SLCO5A1: variants seen among roughly 807,000 people sequenced by gnomAD.
SLCO5A1 encodes the protein solute carrier organic anion transporter family member 5A1, also known as organic anion transporter polypeptide-related protein 4.
A neutral mutation model predicts 65.1 loss-of-function variants in SLCO5A1; 39 were observed. The ratio of observed to expected loss-of-function variants is 0.60; its 90% CI spans 0.46 to 0.78. SLCO5A1 has a LOEUF of 0.78. Ranked by LOEUF, SLCO5A1 falls within the 30% of genes least tolerant of loss-of-function variation. The pLI, the probability that SLCO5A1 is intolerant of heterozygous loss-of-function variation, is 0.00. For synonymous variants in SLCO5A1, 438 were observed against 415.7 expected (o/e 1.05, Z -0.65); for missense variants, 1,029 against 1,069.4 (o/e 0.96, Z 0.53).
At chr8:69,673,475 A>G (rs1486887939) in intron 9 of SLCO5A1, 149 bp from the exon 10 acceptor site, 3 of 642,482 alleles carry the variant, frequency 4.7e-6, no homozygotes, top group Non-Finnish European at 5.3e-6. Context: ...AAGACGCATC[A>G]TATTTTATCA....
intron 5 of SLCO5A1, chr8:69,713,707 A>G (rs6472480): frequency 0.11 from 16,609 of 152,254 alleles, 1,635 homozygotes; most frequent in African/African-American, 0.26. Flanking sequence ...ACTCAAAATC[A>G]TGGTGCATCT....
At chr8:69,769,225 C>T (rs1818209440) in intron 2 of SLCO5A1, among the ~76,000 whole-genome samples, 1 of 152,240 alleles carries the variant, frequency 6.6e-6, no homozygotes, top group Admixed American at 6.5e-5. Flanking sequence ...TAGGTGCTCA[C>T]ATCAAGTATT....
intron 4 of SLCO5A1, among the ~76,000 whole-genome samples, chr8:69,745,547 G>A (rs1816978307): frequency 6.6e-6 from 1 of 151,978 alleles, no homozygotes. Flanking sequence ...TTCTACCCAG[G>A]TATAAATTAT....
chr8:69,784,910 GAAAGA>G (rs1586797460), intron 2 of SLCO5A1, among the ~76,000 whole-genome samples: 4 of 92,340 alleles, frequency 4.3e-5, no homozygotes, highest in African/African-American at 9.4e-5. Flanking sequence ...AAGAAAGAAA[GAAAGA>G]AAGAAAGAAA....
intron 4 of SLCO5A1, among the ~76,000 whole-genome samples, chr8:69,740,535 G>T (rs1237016521): frequency 6.6e-6 from 1 of 152,134 alleles, no homozygotes; most frequent in Admixed American, 6.6e-5. Flanking sequence ...TTGTATGTGG[G>T]TATAAATATA....
chr8:69,813,313 C>T (rs1319979901), intron 2 of SLCO5A1, among the ~76,000 whole-genome samples: 1 of 152,248 alleles, frequency 6.6e-6, no homozygotes, highest in East Asian at 1.9e-4. Flanking sequence ...AGAATTCCCA[C>T]ATGCTAGAAT....
intron 2 of SLCO5A1, among the ~76,000 whole-genome samples, chr8:69,821,406 A>AAAGAAGAGGAAG (rs760373897): frequency 1.3e-5 from 2 of 151,734 alleles, no homozygotes; most frequent in African/African-American, 2.4e-5. Context: ...GGAAGAGGAT[A>AAAGAAGAGGAAG]AAGAAGAGGA....
rs2130932447 is a variant in SLCO5A1 at position 69,832,851 on chromosome 8, T to C, written c.-178A>G. ...CAGCTGCGAGGCGCCCAGTGCATCC[T>C]GATCACAGACACGGCTTCAAGGCTC... is the stretch of plus-strand genomic sequence containing the variant. On this transcript the variant is annotated 5_prime_UTR_variant, in exon 2 of 10. Transcript: ENST00000260126. This position sits in a 1 kb window ranked among gnomAD's most constrained non-coding sequence, Gnocchi z 4.5. 2.9e-6 allele frequency: 2 copies of C among 689,202 alleles called. No individual in the cohort carries two copies. The highest frequency in any genetic ancestry group is 3.1e-5 in the Admixed American group (1 of 32,092). 42.7% of individuals were successfully genotyped at this position (689,202 alleles called of 1,614,324 possible). A position where few individuals can be genotyped will look rare whatever the true frequency, so the allele number is the denominator to read the frequency against.
At chr8:69,717,144 A>G (rs1815586262) in intron 5 of SLCO5A1, among the ~76,000 whole-genome samples, 1 of 152,142 alleles carries the variant, frequency 6.6e-6, no homozygotes, top group South Asian at 2.1e-4. Flanking sequence ...ACTCCAACTC[A>G]TCTATTTTTT....
chr8:69,744,905 T>A (rs970273975), intron 4 of SLCO5A1, among the ~76,000 whole-genome samples: 3 of 152,200 alleles, frequency 2.0e-5, no homozygotes, highest in Non-Finnish European at 4.4e-5. Context: ...AAAGTATGGT[T>A]CTTTAATGCT....
At chr8:69,822,265 A>G (rs1202256973) in intron 2 of SLCO5A1, among the ~76,000 whole-genome samples, 1 of 152,226 alleles carries the variant, frequency 6.6e-6, no homozygotes, top group Non-Finnish European at 1.5e-5. Context: ...CAGTGGTGAA[A>G]TGGCACACCA....
intron 6 of SLCO5A1, among the ~76,000 whole-genome samples, chr8:69,702,036 T>C (rs907282671): frequency 1.2e-4 from 19 of 152,244 alleles, no homozygotes; most frequent in Admixed American, 1.1e-3. Flanking sequence ...CAGAGTCACA[T>C]TGTAGAAGAA....
intron 2 of SLCO5A1, among the ~76,000 whole-genome samples, chr8:69,775,001 A>C (rs1203435340): frequency 1.3e-5 from 2 of 152,180 alleles, no homozygotes; most frequent in Non-Finnish European, 2.9e-5. Context: ...CTTTGATCTC[A>C]GTTATTTTGT....
chr8:69,813,198 A>T (rs1018896529), intron 2 of SLCO5A1, among the ~76,000 whole-genome samples: 32 of 145,552 alleles, frequency 2.2e-4, no homozygotes, highest in African/African-American at 7.5e-4. Context: ...TTCTCTTTAT[A>T]AAAAAAAAAG....
intron 2 of SLCO5A1, among the ~76,000 whole-genome samples, chr8:69,785,097 GGA>G (rs377650577): frequency 3.3e-5 from 5 of 150,226 alleles, no homozygotes; most frequent in South Asian, 2.1e-4. Context: ...AGGGAAGGAC[GGA>G]GAGAGAGAGA....
intron 9 of SLCO5A1, among the ~76,000 whole-genome samples, chr8:69,673,693 T>C (rs892541809): frequency 6.6e-6 from 1 of 152,154 alleles, no homozygotes; most frequent in African/African-American, 2.4e-5. Flanking sequence ...ATCTTAAAAA[T>C]TGGATTTTGT....
chr8:69,759,489 T>C (rs971930389), intron 3 of SLCO5A1, among the ~76,000 whole-genome samples: 1 of 152,094 alleles, frequency 6.6e-6, no homozygotes, highest in Non-Finnish European at 1.5e-5. Flanking sequence ...AATGACCCTA[T>C]GATAATAAGT....
chr8:69,780,266 A>T (rs985503410), intron 2 of SLCO5A1, among the ~76,000 whole-genome samples: 1 of 152,220 alleles, frequency 6.6e-6, no homozygotes, highest in Non-Finnish European at 1.5e-5. Flanking sequence ...AATTAAAAAT[A>T]AAACTAACAT....
At chr8:69,688,253 A>G (rs1381195253) in intron 6 of SLCO5A1, among the ~76,000 whole-genome samples, 1 of 152,142 alleles carries the variant, frequency 6.6e-6, no homozygotes, top group Non-Finnish European at 1.5e-5. Flanking sequence ...TTTTAAGCAA[A>G]CTTCTTTCCC....
Sources: gnomAD v4.1 joint callset for allele counts (sites outside exome capture counted in the v4.1 genomes callset) on GRCh38, gnomAD v4.1.1 for gene constraint, Gnocchi (gnomAD v3.1) non-coding constraint, MANE v1.5 for transcripts, NCBI Gene and HGNC (gene_info 2026-07-23, HGNC 2026-07-21) for gene names.